The following VLDLR variants were observed in gnomAD, a reference collection of about 807,000 sequenced individuals.
VLDLR encodes very low density lipoprotein receptor.
A neutral mutation model predicts 112.7 loss-of-function variants in VLDLR; 81 were observed. The observed-to-expected ratio is 0.72, with a 90% CI of 0.60 to 0.86. VLDLR has a LOEUF of 0.86. Ranked by LOEUF, VLDLR falls within the 40% of genes least tolerant of loss-of-function variation. VLDLR has a pLI of 0.00. For synonymous variants in VLDLR, 436 were observed against 384.8 expected (o/e 1.13, Z -1.56); for missense variants, 1,237 against 1,099.4 (o/e 1.13, Z -1.77).
In VLDLR at chr9:2,654,214, G is replaced by T; in HGVS notation, c.*346G>T. ...TACCACCTGTACATACATTGTATAG[G>T]CCATCTGTAAATATCCCAGAGAACA... On this transcript the variant is annotated 3_prime_UTR_variant, in exon 19 of 19. Coordinates refer to ENST00000382100, the MANE Select transcript of VLDLR (RefSeq NM_003383.5). 3.8e-6 allele frequency: 1 copy of T among 261,284 alleles called. No homozygotes were observed. Among genetic ancestry groups the T allele is most frequent in the Non-Finnish European group, 7.5e-6 (1 of 133,922 alleles). 16.2% of individuals were successfully genotyped at this position (261,284 alleles called of 1,614,324 possible).
At chr9:2,633,965 C>G (rs937006313) in intron 1 of VLDLR, among the ~76,000 whole-genome samples, 4 of 152,076 alleles carry the variant, frequency 2.6e-5, no homozygotes, top group Non-Finnish European at 5.9e-5. Context: ...TTCTAAATCC[C>G]TAGTATATTA....
chr9:2,653,890 T>C lies in VLDLR; in HGVS notation c.*22T>C. 3 of 1,613,652 alleles carry C rather than the reference T, an allele frequency of 1.9e-6. No homozygotes were observed. In the South Asian group the frequency reaches 3.3e-5, roughly 18 times the overall value. On this transcript the variant is annotated 3_prime_UTR_variant, in exon 19 of 19. Transcript: ENST00000382100. ...TTGACTTCTGTGACAAATGTTGACCTTTGAGGTCTAAACAAATAATACCCC... is the reference window on the plus strand; with the variant it reads ...TTGACTTCTGTGACAAATGTTGACCCTTGAGGTCTAAACAAATAATACCCC...
chr9:2,652,497 GA>G (rs1400763077), intron 17 of VLDLR, among the ~76,000 whole-genome samples: 1 of 152,176 alleles, frequency 6.6e-6, no homozygotes, highest in Non-Finnish European at 1.5e-5. Context: ...TAGCTCTCCA[GA>G]ACCTTCTGCA....
chr9:2,630,418 T>C (rs1817296166), intron 1 of VLDLR, among the ~76,000 whole-genome samples: 1 of 151,906 alleles, frequency 6.6e-6, no homozygotes, highest in African/African-American at 2.4e-5. Context: ...GCTCAAGCAA[T>C]GAGTAAGGGC....
Position 2,622,155 on chromosome 9 carries a change from G to T in VLDLR, c.-35G>T. 1.7e-6 allele frequency: 1 copy of T among 601,408 alleles called. No individual in the cohort carries two copies. The highest frequency in any genetic ancestry group is 2.4e-6 in the Non-Finnish European group (1 of 424,996). 37.3% of individuals were successfully genotyped at this position (601,408 alleles called of 1,614,324 possible). A position where few individuals can be genotyped will look rare whatever the true frequency, so the allele number is the denominator to read the frequency against. ...TTGTCGTGCGGAGCGAACGGCGGCG[G>T]CGGCGGCGGCGGCGGCACCATCCAG... On this transcript the variant is annotated 5_prime_UTR_variant, in exon 1 of 19. Coordinates refer to ENST00000382100, the MANE Select transcript of VLDLR (RefSeq NM_003383.5).
chr9:2,652,788 G>A lies in VLDLR; in HGVS notation c.2425G>A (p.Val809Met), dbSNP rs748068340. 26 of 1,614,028 alleles carry A rather than the reference G, an allele frequency of 1.6e-5. No individual in the cohort carries two copies. In the South Asian group the frequency reaches 2.2e-4, roughly 14 times the overall value. ...AWAILPLLLL[V>M]MAAVGGYLMW... Reference sequence around the variant, plus strand: ...CCTCTGATTTTTTTCAGTGCTCTTAGTGATGGCAGCAGTAGGTGGCTACTT... The same window carrying A: ...CCTCTGATTTTTTTCAGTGCTCTTAATGATGGCAGCAGTAGGTGGCTACTT... The change falls in exon 18 of 19, where the codon GTG becomes ATG. Residue 809 changes from valine (V) to methionine (M), a missense_variant. Val to Met is a conservative substitution (Grantham distance 21). Transcript: ENST00000382100.
chr9:2,648,581 C>A, intron 13 of VLDLR, 88 bp from the exon 14 acceptor site: 1 of 1,597,274 alleles, frequency 6.3e-7, no homozygotes, highest in Non-Finnish European at 8.6e-7. Flanking sequence ...AAACTTAGTC[C>A]ATTAAATGAG....
Position 2,654,077 on chromosome 9 carries a change from G to A in VLDLR, c.*209G>A, listed in dbSNP as rs1818488312. 2 of 567,604 alleles carry A rather than the reference G, an allele frequency of 3.5e-6. No individual in the cohort carries two copies. The highest frequency in any genetic ancestry group is 6.3e-6 in the Non-Finnish European group (2 of 317,454). 35.2% of individuals were successfully genotyped at this position (567,604 alleles called of 1,614,324 possible). On this transcript the variant is annotated 3_prime_UTR_variant, in exon 19 of 19. Coordinates refer to ENST00000382100, the MANE Select transcript of VLDLR (RefSeq NM_003383.5). ...ACATTCTACTTCAGCTTTGGATGTGGTTACCGAGTATCTGTAACCCTTGAA... is the reference window on the plus strand; with the variant it reads ...ACATTCTACTTCAGCTTTGGATGTGATTACCGAGTATCTGTAACCCTTGAA...
Position 2,643,755 on chromosome 9 carries a change from G to C in VLDLR, c.943+5G>C. The C allele has an allele frequency of 6.2e-7, 1 of 1,614,198 alleles. No homozygotes were observed. The highest frequency in any genetic ancestry group is 8.5e-7 in the Non-Finnish European group (1 of 1,180,044). On this transcript the variant is annotated splice_donor_5th_base_variant and intron_variant, in intron 6 of 18. Transcript: ENST00000382100. ...ATGAAGTCAACTGCAAAAATGGTAA[G>C]GGTTTCTTCTTGTTGGTTAAGCAAT... is the stretch of plus-strand genomic sequence containing the variant.
At position 2,639,866 on chromosome 9, in the gene VLDLR, G is replaced by C. The variant is rs1206985548; in HGVS notation, c.210G>C (p.Lys70Asn). The C allele has an allele frequency of 6.2e-7, 1 of 1,614,112 alleles. No homozygotes were observed. Among genetic ancestry groups the C allele is most frequent in the East Asian group, 2.2e-5 (1 of 44,884 alleles). Residue 70 changes from lysine (K) to asparagine (N), a missense_variant, in exon 3 of 19, where the codon AAG becomes AAC. Physicochemically the swap from Lys to Asn is moderately conservative, Grantham distance 94. Coordinates refer to ENST00000382100, the MANE Select transcript of VLDLR (RefSeq NM_003383.5). The part of the protein sequence containing the change: ...DGSDEKNCVK[K>N]TCAESDFVCN... ...TCAAATAAACGTTTGTAGTAAAGAA[G>C]ACGTGTGCTGAATCTGACTTCGTGT...
chr9:2,622,362 C>A lies in VLDLR; in HGVS notation c.82+91C>A, dbSNP rs369035578. 370 of 1,184,084 alleles carry A rather than the reference C, an allele frequency of 3.1e-4. 5 individuals are homozygous for A. The South Asian group carries it at 6.5e-3, about 21-fold the overall frequency. The allele number at this position is 1,184,084 out of a possible 1,614,324, so 73.3% of individuals were successfully genotyped here. Reference sequence around the variant, plus strand: ...CGTAGGTCTCCGTTTGCCCACCCGCCTCCTAGGAGGCGCCTCTCGGTTCTC... The same window carrying A: ...CGTAGGTCTCCGTTTGCCCACCCGCATCCTAGGAGGCGCCTCTCGGTTCTC... On this transcript the variant is annotated intron_variant, in intron 1 of 18. Transcript: ENST00000382100.
chr9:2,645,858 A>C (rs779689582), intron 10 of VLDLR, 113 bp downstream of exon 10: 24 of 1,216,170 alleles, frequency 2.0e-5, no homozygotes, highest in Non-Finnish European at 2.8e-5. Context: ...CTAGCATCGA[A>C]TTACCTGGGG....
intron 11 of VLDLR, 26 bp from the exon 12 acceptor site, chr9:2,647,448 C>G (rs371778675): frequency 1.3e-6 from 2 of 1,593,418 alleles, no homozygotes; most frequent in Non-Finnish European, 1.7e-6. Context: ...ACCACTGAGG[C>G]TTATTTCTCA....
intron 17 of VLDLR, 107 bp from the exon 18 acceptor site, chr9:2,652,673 G>A: frequency 1.4e-6 from 2 of 1,456,452 alleles, no homozygotes; most frequent in South Asian, 2.4e-5. Flanking sequence ...CATAAAACAT[G>A]GCATTTTTAC....
chr9:2,621,946 C>G lies in VLDLR; in HGVS notation c.-244C>G. 1.5e-6 allele frequency: 1 copy of G among 656,690 alleles called. No individual in the cohort carries two copies. The allele number at this position is 656,690 out of a possible 1,614,324, so 40.7% of individuals were successfully genotyped here. A position where few individuals can be genotyped will look rare whatever the true frequency, so the allele number is the denominator to read the frequency against. ...CTGCATTATTTTCTGCCCGCAGGCT[C>G]GGCTTGCACTGCTGCTGCAGCCCGG... is the stretch of plus-strand genomic sequence containing the variant. On this transcript the variant is annotated 5_prime_UTR_variant, in exon 1 of 19. Transcript: ENST00000382100.
chr9:2,647,427 A>C (rs1163277815), intron 11 of VLDLR, 47 bp from the exon 12 acceptor site: 1 of 1,549,576 alleles, frequency 6.5e-7, no homozygotes, highest in Admixed American at 1.7e-5. Flanking sequence ...CTACAACTTT[A>C]TTCCTTCTAA....
intron 1 of VLDLR, among the ~76,000 whole-genome samples, chr9:2,630,652 T>C (rs1170172359): frequency 1.3e-5 from 2 of 152,210 alleles, no homozygotes; most frequent in Non-Finnish European, 2.9e-5. Flanking sequence ...TGCAGTTTTT[T>C]ACTGAAGCTT....
intron 1 of VLDLR, among the ~76,000 whole-genome samples, chr9:2,631,168 A>G (rs1817334518): frequency 2.6e-5 from 4 of 152,170 alleles, no homozygotes; most frequent in Admixed American, 2.0e-4. Flanking sequence ...AATACAACAG[A>G]TGTTGCTGAG....
At chr9:2,648,181 T>C in intron 12 of VLDLR, 27 bp from the exon 13 acceptor site, 1 of 1,613,384 alleles carries the variant, frequency 6.2e-7, no homozygotes, top group Non-Finnish European at 8.5e-7. Context: ...TGGCTTGTCA[T>C]GTAATGACAA....
Sources: allele counts gnomAD v4.1 joint callset (sites outside exome capture counted in the v4.1 genomes callset), GRCh38; gene constraint gnomAD v4.1.1; transcripts MANE v1.5; gene names NCBI Gene and HGNC (gene_info 2026-07-23, HGNC 2026-07-21).